Variants in NFYC observed in about 807,000 individuals in gnomAD.
NFYC encodes CAAT box DNA-binding protein subunit C.
A neutral mutation model predicts 53.1 loss-of-function variants in NFYC; 25 were observed. That is an observed-to-expected ratio of 0.47 (90% CI 0.34 to 0.66). The LOEUF (loss-of-function observed/expected upper bound fraction) is 0.66. NFYC is among the 30% of genes least tolerant of loss of function. The pLI, the probability that NFYC is intolerant of heterozygous loss-of-function variation, is 0.01. For synonymous variants in NFYC, 145 were observed against 152.6 expected (o/e 0.95, Z 0.37); for missense variants, 260 against 422.7 (o/e 0.62, Z 3.38).
intron 5 of NFYC, chr1:40,754,424 A>C (rs1217267713): frequency 3.7e-6 from 2 of 534,112 alleles, no homozygotes; most frequent in Non-Finnish European, 7.7e-6. Context: ...TTTCAGTCGG[A>C]TGTTTACAGC....
At chr1:40,759,233 TA>T (rs11429236) in intron 6 of NFYC, among the ~76,000 whole-genome samples, 257 of 138,826 alleles carry the variant, frequency 1.9e-3, no homozygotes, top group African/African-American at 2.0e-3. Flanking sequence ...CTTCTTTAAT[TA>T]AAAAAAAAAA....
At chr1:40,737,933 C>T (rs1373769293) in intron 1 of NFYC, among the ~76,000 whole-genome samples, 2 of 144,436 alleles carry the variant, frequency 1.4e-5, no homozygotes, top group African/African-American at 2.6e-5. Flanking sequence ...GACGGAGTCT[C>T]GCTCTGTCGC....
At chr1:40,753,959 T>A (rs1439022168) in intron 5 of NFYC, among the ~76,000 whole-genome samples, 2 of 152,100 alleles carry the variant, frequency 1.3e-5, no homozygotes, top group African/African-American at 2.4e-5. Flanking sequence ...GCACCTTGGG[T>A]GCATATAGCT....
At chr1:40,735,542 GT>G (rs1048691782) in intron 1 of NFYC, 10 of 961,790 alleles carry the variant, frequency 1.0e-5, no homozygotes, top group Non-Finnish European at 1.2e-5. Context: ...CCTTTGTAAT[GT>G]TTTGGGGGGA....
chr1:40,729,738 C>T (rs764752595), intron 1 of NFYC, among the ~76,000 whole-genome samples: 38 of 149,106 alleles, frequency 2.5e-4, no homozygotes, highest in East Asian at 1.2e-3. Context: ...TGCAATGGTA[C>T]GATCTCAGCT....
At chr1:40,758,500 A>C (rs1295703709) in intron 6 of NFYC, 1 of 576,824 alleles carries the variant, frequency 1.7e-6, no homozygotes. Context: ...TCAAAGGTCA[A>C]ATGAGGAAAG....
Position 40,771,134 on chromosome 1 carries a change from T to G in NFYC, c.*306T>G. ...ATTTATGGCATTTTCTTGAAGAGTG[T>G]GGTTGAAGAAATATTTCTCCTTTTG... On this transcript the variant is annotated 3_prime_UTR_variant, in exon 10 of 10. Transcript: ENST00000447388. 1 of 429,698 alleles carries G rather than the reference T, an allele frequency of 2.3e-6. No individual in the cohort carries two copies. Among genetic ancestry groups the G allele is most frequent in the South Asian group, 3.3e-5 (1 of 30,760 alleles). The allele number at this position is 429,698 out of a possible 1,614,324, so 26.6% of individuals were successfully genotyped here.
intron 4 of NFYC, 27 bp downstream of exon 4, chr1:40,749,713 A>G: frequency 6.3e-7 from 1 of 1,579,086 alleles, no homozygotes; most frequent in Non-Finnish European, 8.7e-7. Flanking sequence ...AGATTAGGAA[A>G]ACTGGGGTAA....
At chr1:40,741,593 C>CTTTTTTTTTT (rs1645344732) in intron 2 of NFYC, among the ~76,000 whole-genome samples, 1 of 150,886 alleles carries the variant, frequency 6.6e-6, no homozygotes. Flanking sequence ...CCTTTTTTAT[C>CTTTTTTTTTT]TTTTTTCTTT....
At chr1:40,706,320 A>T (rs910514565) in intron 1 of NFYC, among the ~76,000 whole-genome samples, 4 of 152,102 alleles carry the variant, frequency 2.6e-5, no homozygotes, top group African/African-American at 9.7e-5. Flanking sequence ...AGTCTGTAAT[A>T]TACCTAGCAC....
chr1:40,749,173 G>T (rs553833425), intron 3 of NFYC, among the ~76,000 whole-genome samples: 6 of 152,160 alleles, frequency 3.9e-5, no homozygotes, highest in South Asian at 4.1e-4. Flanking sequence ...AGGATGGGAA[G>T]CCTGCAATTT....
rs1483941348 is a variant in NFYC at position 40,771,039 on chromosome 1, T to A, written c.*211T>A. Reference sequence around the variant, plus strand: ...TGTTTCCTTTTTTTCCATTTTTTTCTCTAAGGAATCAATATTTCAATATGT... The same window carrying A: ...TGTTTCCTTTTTTTCCATTTTTTTCACTAAGGAATCAATATTTCAATATGT... On this transcript the variant is annotated 3_prime_UTR_variant, in exon 10 of 10. Transcript: ENST00000447388. 5 of 592,768 alleles carry A rather than the reference T, an allele frequency of 8.4e-6. No individual in the cohort carries two copies. In the Admixed American group the frequency reaches 8.9e-5, roughly 11 times the overall value. The allele number at this position is 592,768 out of a possible 1,614,324, so 36.7% of individuals were successfully genotyped here. A position where few individuals can be genotyped will look rare whatever the true frequency, so the allele number is the denominator to read the frequency against.
At chr1:40,696,559 C>A (rs1342787952) in intron 1 of NFYC, among the ~76,000 whole-genome samples, 1 of 152,200 alleles carries the variant, frequency 6.6e-6, no homozygotes, top group African/African-American at 2.4e-5. Flanking sequence ...CACTGGATTT[C>A]CAGATAGGTG....
chr1:40,707,187 T>A (rs964718329), intron 1 of NFYC, among the ~76,000 whole-genome samples: 12 of 148,342 alleles, frequency 8.1e-5, no homozygotes, highest in Non-Finnish European at 1.0e-4. Context: ...AAAAAGAAAA[T>A]TTTTTTATAT....
intron 7 of NFYC, among the ~76,000 whole-genome samples, chr1:40,765,585 A>C (rs1229152049): frequency 6.6e-6 from 1 of 152,148 alleles, no homozygotes; most frequent in Non-Finnish European, 1.5e-5. Context: ...TTCCCCTTGC[A>C]ACAAAGGCAG....
At chr1:40,745,366 A>G (rs1266580399) in intron 2 of NFYC, among the ~76,000 whole-genome samples, 1 of 152,210 alleles carries the variant, frequency 6.6e-6, no homozygotes, top group East Asian at 1.9e-4. Flanking sequence ...TTCCAAAGGA[A>G]TGATCATCCC....
chr1:40,699,285 A>G (rs1164508983), intron 1 of NFYC, among the ~76,000 whole-genome samples: 2 of 152,200 alleles, frequency 1.3e-5, no homozygotes, highest in African/African-American at 4.8e-5. Flanking sequence ...GGTTTTCACA[A>G]TCCCAAATTA....
chr1:40,741,600 C>CT (rs889135776), intron 2 of NFYC, among the ~76,000 whole-genome samples: 75 of 143,952 alleles, frequency 5.2e-4, no homozygotes, highest in Middle Eastern at 3.5e-3. Context: ...TATCTTTTTT[C>CT]TTTTTTTTTT....
At chr1:40,693,438 T>C (rs1642951584) in intron 1 of NFYC, among the ~76,000 whole-genome samples, 1 of 152,232 alleles carries the variant, frequency 6.6e-6, no homozygotes, top group Non-Finnish European at 1.5e-5. Flanking sequence ...TAGTCCTTTT[T>C]AGCTTTAGAT....
Sources: allele counts gnomAD v4.1 joint callset (sites outside exome capture counted in the v4.1 genomes callset), GRCh38; gene constraint gnomAD v4.1.1; transcripts MANE v1.5; gene names NCBI Gene and HGNC (gene_info 2026-07-23, HGNC 2026-07-21).